The following VWA3B variants were observed in gnomAD, a reference collection of about 807,000 sequenced individuals.
VWA3B encodes the protein von Willebrand factor A domain-containing protein 3B.
VWA3B carries 138 observed loss-of-function variants against 158.3 expected under a neutral mutation model. The observed-to-expected ratio is 0.87, with a 90% CI of 0.76 to 1.00. VWA3B has a LOEUF of 1.00. VWA3B is among the 50% of genes least tolerant of loss of function. The pLI, the probability that VWA3B is intolerant of heterozygous loss-of-function variation, is 0.00. For missense variants in VWA3B, 1,555 were observed against 1,565.1 expected (o/e 0.99, Z 0.11); for synonymous variants, 596 against 587.3 (o/e 1.01, Z -0.21).
chr2:98,273,611 G>A (rs1688343081), intron 22 of VWA3B, among the ~76,000 whole-genome samples: 2 of 152,116 alleles, frequency 1.3e-5, no homozygotes, highest in South Asian at 2.1e-4. Context: ...GCTTTTCCCT[G>A]TCTGCTTGCT....
At chr2:98,231,799 A>AT (rs1203403426) in intron 16 of VWA3B, among the ~76,000 whole-genome samples, 1 of 152,258 alleles carries the variant, frequency 6.6e-6, no homozygotes, top group East Asian at 1.9e-4. Context: ...ACATCAATTG[A>AT]TTTTCAAATG....
intron 21 of VWA3B, 105 bp from the exon 22 acceptor site, chr2:98,270,577 G>A (rs559126578): frequency 8.5e-7 from 1 of 1,175,502 alleles, no homozygotes; most frequent in South Asian, 1.6e-5. Context: ...TGTTTCTCAG[G>A]GGAGAATTTC....
Position 98,217,788 on chromosome 2 carries a change from T to C in VWA3B, c.1837-58T>C, listed in dbSNP as rs536231810. On this transcript the variant is annotated intron_variant, in intron 13 of 27. Transcript: ENST00000477737. ...GTAAATACTAAGGATTTTCATATTC[T>C]TTTCTTTCTCTTCTCTTTCCATCTC... 6 of 1,460,850 alleles carry C rather than the reference T, an allele frequency of 4.1e-6. No homozygotes were observed. In the African/African-American group the frequency reaches 7.2e-5, roughly 17 times the overall value. 90.5% of individuals were successfully genotyped at this position (1,460,850 alleles called of 1,614,324 possible).
At chr2:98,290,971 C>A in intron 23 of VWA3B, 1 of 203,536 alleles carries the variant, frequency 4.9e-6, no homozygotes, top group Non-Finnish European at 9.6e-6. Flanking sequence ...GAGATTACAT[C>A]TTAAAGGAGA....
rs571688932 is a variant in VWA3B at position 98,311,050 on chromosome 2, C to T, written c.3522-769C>T. Among the ~76,000 whole-genome samples, 11 of 152,170 alleles carry T rather than the reference C, an allele frequency of 7.2e-5. No individual in the cohort carries two copies. The South Asian group carries it at 1.2e-3, about 17-fold the overall frequency. On this transcript the variant is annotated intron_variant, in intron 26 of 27. Coordinates refer to ENST00000477737, the MANE Select transcript of VWA3B (RefSeq NM_144992.5). ...GAAGTTATGCGGAGTAAAAACAAAACAAAAAATTATTCGGATTGAAGGCAG... is the reference window on the plus strand; with the variant it reads ...GAAGTTATGCGGAGTAAAAACAAAATAAAAAATTATTCGGATTGAAGGCAG...
chr2:98,217,516 G>A (rs1684128000), intron 13 of VWA3B, among the ~76,000 whole-genome samples: 2 of 152,132 alleles, frequency 1.3e-5, no homozygotes, highest in African/African-American at 4.8e-5. Flanking sequence ...CTCTTTTGTA[G>A]CCCAGCACTT....
chr2:98,329,268 T>A, the VWA3B span, among the ~76,000 whole-genome samples: 3 of 152,158 alleles, frequency 2.0e-5, no homozygotes, highest in African/African-American at 7.2e-5. Flanking sequence ...TTTGTGACCA[T>A]GGAGGTAGGC....
At chr2:98,102,661 T>C (rs988563804) in intron 2 of VWA3B, among the ~76,000 whole-genome samples, 1 of 152,236 alleles carries the variant, frequency 6.6e-6, no homozygotes, top group Non-Finnish European at 1.5e-5. Context: ...TCTAAGTTCG[T>C]AAGAGATATT....
intron 23 of VWA3B, 106 bp downstream of exon 23, chr2:98,290,728 C>G: frequency 1.3e-6 from 1 of 764,926 alleles, no homozygotes; most frequent in Non-Finnish European, 2.2e-6. Context: ...ATTTCATGAG[C>G]TGGCCTGAGC....
chr2:98,205,987 A>C (rs866380347), intron 12 of VWA3B, among the ~76,000 whole-genome samples: 1 of 152,242 alleles, frequency 6.6e-6, no homozygotes, highest in South Asian at 2.1e-4. Context: ...TTTGAAAAGC[A>C]TATGCAGTCT....
At chr2:98,220,768 C>T (rs1456992077) in intron 14 of VWA3B, among the ~76,000 whole-genome samples, 1 of 152,152 alleles carries the variant, frequency 6.6e-6, no homozygotes, top group Non-Finnish European at 1.5e-5. Context: ...GGTACATATA[C>T]ACCATGGAAT....
chr2:98,112,297 T>TGTGG (rs1362278965), intron 2 of VWA3B, among the ~76,000 whole-genome samples: 212 of 150,994 alleles, frequency 1.4e-3, no homozygotes, highest in African/African-American at 5.0e-3. Context: ...TGTGTGTGTG[T>TGTGG]GTGTGGGTGT....
intron 13 of VWA3B, among the ~76,000 whole-genome samples, chr2:98,216,493 G>C (rs1228058111): frequency 6.6e-6 from 1 of 152,258 alleles, no homozygotes; most frequent in Non-Finnish European, 1.5e-5. Flanking sequence ...GGTGCAGGGT[G>C]ATCAACCTGC....
the VWA3B span, among the ~76,000 whole-genome samples, chr2:98,326,831 G>A: frequency 6.6e-6 from 1 of 152,004 alleles, no homozygotes; most frequent in Admixed American, 6.6e-5. Context: ...GAGGAATAGG[G>A]GAAGGGGCCA....
At chr2:98,223,971 TC>T in intron 14 of VWA3B, among the ~76,000 whole-genome samples, 1 of 152,268 alleles carries the variant, frequency 6.6e-6, no homozygotes, top group Middle Eastern at 3.4e-3. Flanking sequence ...CAAGCAGTCC[TC>T]CTGCCTCAGC....
At position 98,115,701 on chromosome 2, in the gene VWA3B, T is replaced by C; in HGVS notation, c.246T>C (p.Gly82=). Residue 82 remains glycine (G), a synonymous_variant, in exon 3 of 28, where the codon GGT becomes GGC. Coordinates refer to ENST00000477737, the MANE Select transcript of VWA3B (RefSeq NM_144992.5). ...GRPVASRYAD[G]LFPQLYRAED... is the part of the protein sequence containing the mutation. ...CTGTGGCTTCTCGGTATGCTGATGG[T>C]CTGTTTCCACAGCTCTACAGAGCAG... is the stretch of plus-strand genomic sequence containing the variant. 6.2e-7 allele frequency: 1 copy of C among 1,613,836 alleles called. No individual in the cohort carries two copies. The highest frequency in any genetic ancestry group is 1.7e-5 in the Admixed American group (1 of 60,022).
chr2:98,271,711 T>G (rs1432840137), intron 22 of VWA3B, among the ~76,000 whole-genome samples: 1 of 152,218 alleles, frequency 6.6e-6, no homozygotes, highest in Non-Finnish European at 1.5e-5. Flanking sequence ...GCATGACTAC[T>G]GTGGTGCACA....
intron 2 of VWA3B, among the ~76,000 whole-genome samples, chr2:98,104,828 T>A (rs188709939): frequency 3.3e-5 from 5 of 152,344 alleles, no homozygotes; most frequent in Admixed American, 3.3e-4. Flanking sequence ...CCTTGTTACA[T>A]CCTTAACTTG....
chr2:98,270,256 T>C (rs192233075), intron 21 of VWA3B, among the ~76,000 whole-genome samples: 4 of 152,312 alleles, frequency 2.6e-5, no homozygotes, highest in African/African-American at 9.6e-5. Flanking sequence ...CTGAGGCAAA[T>C]ATTTGGGTTT....
Sources: gnomAD v4.1 joint callset for allele counts (sites outside exome capture counted in the v4.1 genomes callset) on GRCh38, gnomAD v4.1.1 for gene constraint, MANE v1.5 for transcripts, NCBI Gene and HGNC (gene_info 2026-07-23, HGNC 2026-07-21) for gene names.